THADA: variants seen among roughly 807,000 people sequenced by gnomAD.
The protein encoded by THADA is THADA armadillo repeat containing.
In THADA, 213 loss-of-function variants were observed where a neutral mutation model predicts 219.8. The ratio of observed to expected loss-of-function variants is 0.97; its 90% CI spans 0.87 to 1.09. The LOEUF is 1.09. Among genes scored for constraint, THADA ranks in the 50% least tolerant of loss-of-function variants. THADA has a pLI of 0.00. For synonymous variants in THADA, 1,018 were observed against 828.9 expected (o/e 1.23, Z -3.92); for missense variants, 2,956 against 2,311.3 (o/e 1.28, Z -5.72).
chr2:43,561,721 C>T (rs1268796157), intron 15 of THADA, among the ~76,000 whole-genome samples: 1 of 152,136 alleles, frequency 6.6e-6, no homozygotes. Context: ...TCTTGTTTTC[C>T]AATCTCACTG....
chr2:43,380,668 G>A (rs1671901641), intron 29 of THADA, among the ~76,000 whole-genome samples: 1 of 152,182 alleles, frequency 6.6e-6, no homozygotes, highest in Non-Finnish European at 1.5e-5. Flanking sequence ...TAGTAGCCAT[G>A]AGCATACCCA....
chr2:43,387,669 C>A (rs1177343026), intron 29 of THADA, among the ~76,000 whole-genome samples: 3 of 152,276 alleles, frequency 2.0e-5, no homozygotes, highest in South Asian at 4.1e-4. Context: ...CCGCCCCCTG[C>A]CTCCCTAGGG....
intron 34 of THADA, among the ~76,000 whole-genome samples, chr2:43,291,033 T>C (rs143503428): frequency 6.0e-4 from 92 of 152,104 alleles, no homozygotes; most frequent in African/African-American, 2.1e-3. Flanking sequence ...ACTTTTGGAA[T>C]TGACATGCTT....
chr2:43,559,796 A>G lies in THADA; in HGVS notation c.2463+438T>C, dbSNP rs370197027. ...TTTAGCTATTGCTGGTTCAAAAACC[A>G]GAAACATCCTCTCTACCTCATTTAC... On this transcript the variant is annotated intron_variant, in intron 16 of 37. Transcript: ENST00000405975. 1.0e-4 allele frequency among the ~76,000 whole-genome samples: 16 copies of G among 152,386 alleles called. 1 individual carries two copies. Among genetic ancestry groups the G allele is most frequent in the African/African-American group, 3.6e-4 (15 of 41,592 alleles).
At chr2:43,331,195 T>A (rs1665725557) in intron 30 of THADA, among the ~76,000 whole-genome samples, 2 of 152,214 alleles carry the variant, frequency 1.3e-5, no homozygotes, top group Admixed American at 1.3e-4. Flanking sequence ...ATCTCTAAAT[T>A]CCCTTTACTG....
chr2:43,419,896 T>G (rs1040957830), intron 28 of THADA, among the ~76,000 whole-genome samples: 1 of 152,214 alleles, frequency 6.6e-6, no homozygotes, highest in Non-Finnish European at 1.5e-5. Context: ...TGTTCTTTAT[T>G]AAAGTTACCA....
At chr2:43,517,025 T>C (rs1691810890) in intron 22 of THADA, among the ~76,000 whole-genome samples, 1 of 152,192 alleles carries the variant, frequency 6.6e-6, no homozygotes, top group Admixed American at 6.5e-5. Flanking sequence ...ATTGATTTCA[T>C]TCCCTGAACA....
chr2:43,401,673 T>G (rs1054592522), intron 28 of THADA, among the ~76,000 whole-genome samples: 1 of 152,210 alleles, frequency 6.6e-6, no homozygotes, highest in African/African-American at 2.4e-5. Context: ...ATCTCTTTAC[T>G]ATGCAACATT....
At chr2:43,274,221 G>A (rs961425687) in intron 36 of THADA, among the ~76,000 whole-genome samples, 3 of 152,114 alleles carry the variant, frequency 2.0e-5, no homozygotes, top group Non-Finnish European at 4.4e-5. Context: ...AGTGAGGAGG[G>A]ACCCAACACT....
intron 31 of THADA, among the ~76,000 whole-genome samples, chr2:43,313,063 A>G (rs886754469): frequency 2.0e-5 from 3 of 152,248 alleles, no homozygotes; most frequent in Admixed American, 6.5e-5. Context: ...GGTAAAGGAA[A>G]TTAATATGTC....
intron 22 of THADA, among the ~76,000 whole-genome samples, chr2:43,524,681 C>T (rs966153109): frequency 6.6e-6 from 1 of 152,194 alleles, no homozygotes; most frequent in African/African-American, 2.4e-5. Flanking sequence ...ACATTCTGTT[C>T]AGCAGATTTG....
chr2:43,282,642 C>T (rs1168360481), intron 35 of THADA, among the ~76,000 whole-genome samples: 1 of 152,100 alleles, frequency 6.6e-6, no homozygotes, highest in Non-Finnish European at 1.5e-5. Context: ...CAGGAGAGGG[C>T]AGGGTTGGGG....
At chr2:43,471,764 G>A (rs1417931136) in intron 26 of THADA, among the ~76,000 whole-genome samples, 3 of 151,934 alleles carry the variant, frequency 2.0e-5, no homozygotes, top group African/African-American at 4.8e-5. Flanking sequence ...CCTCTTCTTC[G>A]TTTTTATCAC....
At chr2:43,336,676 T>C (rs916469090) in intron 30 of THADA, among the ~76,000 whole-genome samples, 2 of 152,136 alleles carry the variant, frequency 1.3e-5, no homozygotes, top group African/African-American at 4.8e-5. Flanking sequence ...GTGAGATAAC[T>C]TGAAATATCT....
chr2:43,308,106 AG>A (rs1257932845), intron 31 of THADA, among the ~76,000 whole-genome samples: 10 of 152,218 alleles, frequency 6.6e-5, no homozygotes, highest in African/African-American at 9.7e-5. Context: ...CTGTAATTCC[AG>A]CACTTTGGGA....
intron 35 of THADA, among the ~76,000 whole-genome samples, chr2:43,284,343 C>T (rs1418178721): frequency 6.6e-6 from 1 of 152,150 alleles, no homozygotes; most frequent in Non-Finnish European, 1.5e-5. Context: ...TCTGTGCAGC[C>T]TCAGGACACA....
At chr2:43,519,983 G>C (rs1692208584) in intron 22 of THADA, among the ~76,000 whole-genome samples, 1 of 152,200 alleles carries the variant, frequency 6.6e-6, no homozygotes, top group Non-Finnish European at 1.5e-5. Flanking sequence ...TGGTGTTTAT[G>C]ATAATGAAGG....
At chr2:43,258,533 T>C (rs892499316) in intron 36 of THADA, among the ~76,000 whole-genome samples, 1 of 152,090 alleles carries the variant, frequency 6.6e-6, no homozygotes, top group African/African-American at 2.4e-5. Flanking sequence ...AAAAAATAAA[T>C]TAATAAATAA....
chr2:43,505,566 A>G, intron 24 of THADA, 56 bp downstream of exon 24: 1 of 1,356,618 alleles, frequency 7.4e-7, no homozygotes, highest in Non-Finnish European at 1.0e-6. Context: ...GAAAAAAGTG[A>G]AAAACAAAAC....
Sources: gnomAD v4.1 joint callset for allele counts (sites outside exome capture counted in the v4.1 genomes callset) on GRCh38, gnomAD v4.1.1 for gene constraint, MANE v1.5 for transcripts, NCBI Gene and HGNC (gene_info 2026-07-23, HGNC 2026-07-21) for gene names.